The following COL11A1 variants were observed in gnomAD, a reference collection of about 807,000 sequenced individuals.
The protein encoded by COL11A1 is collagen type XI alpha 1 chain.
In COL11A1, 74 loss-of-function variants were observed where a neutral mutation model predicts 265.2. The observed-to-expected ratio is 0.28, with a 90% confidence interval of 0.23 to 0.34. The LOEUF is 0.34. Among genes scored for constraint, COL11A1 ranks in the 10% least tolerant of loss-of-function variants. COL11A1 has a pLI of 1.00. For missense variants in COL11A1, 2,165 were observed against 2,263.6 expected, an observed-to-expected ratio of 0.96 and a Z score of 0.88; for synonymous variants, 816 against 727.6, an observed-to-expected ratio of 1.12 and a Z score of -1.96.
At position 102,970,227 on chromosome 1, in the gene COL11A1, C is replaced by T; in HGVS notation, c.2854G>A (p.Gly952Arg). 6.2e-7 allele frequency: 1 copy of T among 1,612,188 alleles called. No homozygotes were observed. The highest frequency in any genetic ancestry group is 8.5e-7 in the Non-Finnish European group (1 of 1,178,886). The change falls in exon 37 of 67, where the codon GGG becomes AGG. Residue 952 changes from glycine to arginine, a missense_variant. Coordinates refer to ENST00000370096, the MANE Select transcript of COL11A1 (RefSeq NM_001854.4). ...GTAACAAGGTCACTTACAGTCTCCC[C>T]ACGTTGCCCAGGGTGTCCTGGCAGC... The part of the protein sequence containing the change: ...DGLPGHPGQR[G>R]ETGFQGKTGP...
At position 103,034,181 on chromosome 1, in the gene COL11A1, A is replaced by G. The variant is rs115724290; in HGVS notation, c.652-2937T>C. ...GTTTGATTATGATGTATCTGGATGT[A>G]GATTTTACAAGTTTATCAGATTAAG... On this transcript the variant is annotated intron_variant, in intron 4 of 66. Transcript: ENST00000370096. 6.9e-3 allele frequency among the ~76,000 whole-genome samples: 1,044 copies of G among 152,218 alleles called. 13 individuals are homozygous for G. Among genetic ancestry groups the G allele is most frequent in the African/African-American group, 0.024 (991 of 41,548 alleles).
At chr1:103,059,552 G>A (rs564356384) in intron 4 of COL11A1, among the ~76,000 whole-genome samples, 5 of 152,258 alleles carry the variant, frequency 3.3e-5, no homozygotes, top group African/African-American at 9.6e-5. Context: ...AGATATGGCA[G>A]AAAGGTTGGA....
rs886044979 is a variant in COL11A1, at chr1:102,998,378, A to G, written c.2143-15T>C. On this transcript the variant is annotated splice_polypyrimidine_tract_variant and intron_variant, in intron 24 of 66. Coordinates refer to ENST00000370096, the MANE Select transcript of COL11A1 (RefSeq NM_001854.4). ...CCTTGTGGTCCCTTATAGAGAAAAAAAAAATATTAAAAAGATAAAAATAAT... is the reference window on the plus strand; with the variant it reads ...CCTTGTGGTCCCTTATAGAGAAAAAGAAAATATTAAAAAGATAAAAATAAT... The G allele has an allele frequency of 2.6e-6, 4 of 1,528,540 alleles. No homozygotes were observed. In the East Asian group the frequency reaches 7.3e-5, roughly 28 times the overall value. 94.7% of individuals were successfully genotyped at this position (1,528,540 alleles called of 1,614,324 possible).
At chr1:102,931,029 CT>C (rs1164856158) in intron 46 of COL11A1, among the ~76,000 whole-genome samples, 1 of 146,992 alleles carries the variant, frequency 6.8e-6, no homozygotes, top group East Asian at 2.0e-4. Context: ...TTTGTTGATC[CT>C]TTCAAAAAAC....
At chr1:102,963,623 T>A (rs1661124631) in intron 38 of COL11A1, among the ~76,000 whole-genome samples, 1 of 152,134 alleles carries the variant, frequency 6.6e-6, no homozygotes, top group Non-Finnish European at 1.5e-5. Context: ...GTATAAATAT[T>A]TTTTTCCTAA....
At chr1:102,893,526 C>A (rs1043768884) in intron 57 of COL11A1, among the ~76,000 whole-genome samples, 5 of 152,038 alleles carry the variant, frequency 3.3e-5, no homozygotes, top group African/African-American at 7.2e-5. Context: ...TCTAACTATA[C>A]ATATTTTCTA....
intron 4 of COL11A1, among the ~76,000 whole-genome samples, chr1:103,048,118 A>C (rs1315661988): frequency 6.6e-6 from 1 of 152,204 alleles, no homozygotes; most frequent in Non-Finnish European, 1.5e-5. Flanking sequence ...CTGGCCTCAT[A>C]AAATGAGTTA....
intron 41 of COL11A1, among the ~76,000 whole-genome samples, chr1:102,950,717 A>G (rs751851267): frequency 2.0e-5 from 3 of 152,148 alleles, no homozygotes; most frequent in Non-Finnish European, 4.4e-5. Flanking sequence ...CTAAAATTCC[A>G]GCCTCTTTTT....
At chr1:102,931,319 C>T (rs1657409719) in intron 46 of COL11A1, among the ~76,000 whole-genome samples, 2 of 149,930 alleles carry the variant, frequency 1.3e-5, no homozygotes, top group Admixed American at 6.7e-5. Context: ...TTTCAAAGAA[C>T]ATCTTTATTT....
chr1:103,021,250 T>TA (rs1406521402), intron 9 of COL11A1, among the ~76,000 whole-genome samples: 3 of 151,600 alleles, frequency 2.0e-5, no homozygotes, highest in Non-Finnish European at 4.4e-5. Flanking sequence ...GAAAAGGAAG[T>TA]AAAAAATATC....
intron 1 of COL11A1, 69 bp downstream of exon 1, chr1:103,108,003 TG>T: frequency 5.5e-6 from 6 of 1,087,516 alleles, no homozygotes; most frequent in African/African-American, 1.6e-5. Flanking sequence ...AAGGGTAAAG[TG>T]GGGGGAGGGG....
chr1:102,927,965 C>T (rs1473702839), intron 46 of COL11A1, among the ~76,000 whole-genome samples: 1 of 152,076 alleles, frequency 6.6e-6, no homozygotes, highest in Non-Finnish European at 1.5e-5. Context: ...GGTCGAGTTT[C>T]TCCGGGGAAA....
chr1:102,891,766 C>T (rs1353516298), intron 57 of COL11A1, among the ~76,000 whole-genome samples: 4 of 151,534 alleles, frequency 2.6e-5, no homozygotes, highest in Admixed American at 1.3e-4. Context: ...ACCTGCTGTC[C>T]CAGCTACTTG....
At chr1:102,988,751 A>C (rs948212258) in intron 29 of COL11A1, among the ~76,000 whole-genome samples, 2 of 152,132 alleles carry the variant, frequency 1.3e-5, no homozygotes, top group African/African-American at 4.8e-5. Flanking sequence ...AGAGAGGGAA[A>C]AATAATAATA....
intron 7 of COL11A1, among the ~76,000 whole-genome samples, 174 bp downstream of exon 7, chr1:103,025,347 A>G (rs951997943): frequency 6.6e-6 from 1 of 152,242 alleles, no homozygotes; most frequent in African/African-American, 2.4e-5. Flanking sequence ...CATTGATTTC[A>G]GATGAACTGC....
intron 31 of COL11A1, among the ~76,000 whole-genome samples, chr1:102,981,939 CTGGTAAAGGCATTTCATTT>C (rs1557900622): frequency 6.6e-6 from 1 of 151,508 alleles, no homozygotes; most frequent in Non-Finnish European, 1.5e-5. Context: ...TTGAAAGAGA[CTGGTAAAGGCATTTCATTT>C]TAGTAAAAAA....
At chr1:102,969,925 TGAG>T (rs1368168116) in intron 37 of COL11A1, among the ~76,000 whole-genome samples, 2 of 152,116 alleles carry the variant, frequency 1.3e-5, no homozygotes, top group African/African-American at 2.4e-5. Context: ...GGGAAAATCT[TGAG>T]GAGATGTCCA....
intron 54 of COL11A1, among the ~76,000 whole-genome samples, chr1:102,902,008 G>T (rs1359215143): frequency 6.6e-6 from 1 of 152,100 alleles, no homozygotes; most frequent in African/African-American, 2.4e-5. Context: ...GTACAAAATA[G>T]GTACAATGAT....
intron 24 of COL11A1, chr1:103,001,051 AC>A (rs1665053260): frequency 2.5e-6 from 1 of 395,870 alleles, no homozygotes. Context: ...AGTTTCATTC[AC>A]ATGAAATATT....
Sources: allele counts gnomAD v4.1 joint callset (sites outside exome capture counted in the v4.1 genomes callset), GRCh38; gene constraint gnomAD v4.1.1; transcripts MANE v1.5; gene names NCBI Gene and HGNC (gene_info 2026-07-23, HGNC 2026-07-21).